The following ASTN2 variants were observed in gnomAD, a reference collection of about 807,000 sequenced individuals.
ASTN2 encodes the protein astrotactin 2.
ASTN2 carries 54 observed loss-of-function variants against 139.8 expected under a neutral mutation model. That is an observed-to-expected ratio of 0.39 (90% confidence interval 0.31 to 0.48). The LOEUF is 0.48. ASTN2 is among the 20% of genes least tolerant of loss of function. ASTN2 has a pLI of 0.95. For missense variants in ASTN2, 1,565 were observed against 1,725.1 expected (o/e 0.91, Z 1.64); for synonymous variants, 756 against 719.5 (o/e 1.05, Z -0.81).
intron 1 of ASTN2, among the ~76,000 whole-genome samples, chr9:117,351,571 C>A (rs1313288170): frequency 6.6e-6 from 1 of 152,144 alleles, no homozygotes; most frequent in Non-Finnish European, 1.5e-5. Context: ...AACTGTTTCT[C>A]CCTTCAAGTC....
chr9:116,933,130 TG>T lies in ASTN2; in HGVS notation c.1889+42077del, dbSNP rs370701771. ...AGGCTCTATTTTGGGTCTATGCTAT[TG>T]TAGACTAATTTAATCCTAAGAGTTA... is the stretch of plus-strand genomic sequence containing the variant. On this transcript the variant is annotated intron_variant, in intron 10 of 22. Transcript: ENST00000313400. 1.6e-4 allele frequency among the ~76,000 whole-genome samples: 24 copies of T among 152,236 alleles called. 1 individual carries two copies. Among genetic ancestry groups the T allele is most frequent in the African/African-American group, 5.5e-4 (23 of 41,554 alleles).
At chr9:116,532,615 A>G (rs1478248157) in intron 19 of ASTN2, among the ~76,000 whole-genome samples, 2 of 152,116 alleles carry the variant, frequency 1.3e-5, no homozygotes, top group Admixed American at 6.6e-5. Context: ...TTGTTAAATA[A>G]GGAATCCTTT....
At chr9:116,606,401 GT>G (rs1216524617) in intron 19 of ASTN2, among the ~76,000 whole-genome samples, 1 of 152,180 alleles carries the variant, frequency 6.6e-6, no homozygotes, top group African/African-American at 2.4e-5. Flanking sequence ...TAAAGTGTGT[GT>G]GTATGTGTGT....
At chr9:117,331,654 T>G (rs918293094) in intron 1 of ASTN2, among the ~76,000 whole-genome samples, 2 of 152,160 alleles carry the variant, frequency 1.3e-5, no homozygotes, top group Non-Finnish European at 2.9e-5. Context: ...TGGGTGCTCT[T>G]GGAATATTAG....
chr9:116,624,005 A>G (rs1188633829), intron 17 of ASTN2, among the ~76,000 whole-genome samples: 2 of 152,156 alleles, frequency 1.3e-5, no homozygotes, highest in Non-Finnish European at 2.9e-5. Flanking sequence ...GAATAAGTAG[A>G]GGGACCTAAG....
At chr9:117,102,741 T>C (rs865881739) in intron 4 of ASTN2, among the ~76,000 whole-genome samples, 2 of 152,082 alleles carry the variant, frequency 1.3e-5, no homozygotes, top group Non-Finnish European at 2.9e-5. Flanking sequence ...AGGCTGGTCT[T>C]GAACTCCTGA....
intron 1 of ASTN2, among the ~76,000 whole-genome samples, chr9:117,412,931 G>T (rs1831208851): frequency 6.6e-6 from 1 of 152,168 alleles, no homozygotes; most frequent in Non-Finnish European, 1.5e-5. Flanking sequence ...GGTGCACGTG[G>T]GAAGAGCTAC....
Position 116,925,200 on chromosome 9 carries a change from C to G in ASTN2, c.1889+50008G>C, listed in dbSNP as rs577343645. Among the ~76,000 whole-genome samples, 57 of 152,322 alleles carry G rather than the reference C, an allele frequency of 3.7e-4. 1 individual carries two copies. The South Asian group carries it at 0.011, about 29-fold the overall frequency. Reference sequence around the variant, plus strand: ...TTTTAGTACACTCTGCTCAGAGCTACAGCCCCTGCTTAGTCATCAGCACTA... The same window carrying G: ...TTTTAGTACACTCTGCTCAGAGCTAGAGCCCCTGCTTAGTCATCAGCACTA... On this transcript the variant is annotated intron_variant, in intron 10 of 22. Coordinates refer to ENST00000313400, the MANE Select transcript of ASTN2 (RefSeq NM_001365068.1).
At chr9:117,303,201 T>G (rs1480774458) in intron 1 of ASTN2, among the ~76,000 whole-genome samples, 3 of 152,112 alleles carry the variant, frequency 2.0e-5, no homozygotes, top group Non-Finnish European at 4.4e-5. Flanking sequence ...AGGAATTGCT[T>G]TTATCTCCTC....
At chr9:117,207,683 T>C (rs7872525) in intron 3 of ASTN2, among the ~76,000 whole-genome samples, 146,583 of 152,188 alleles carry the variant, frequency 0.96, 70,693 homozygotes, top group Non-Finnish European at 0.99. Context: ...TCCTGGCAGG[T>C]ACGCCCCCAG....
rs190037505 is a variant in ASTN2, at chr9:117,233,809, G to A, written c.631-19067C>T. On this transcript the variant is annotated intron_variant, in intron 2 of 22. Transcript: ENST00000313400. ...GTGTTTTCTATCCCATCTTCACTGT[G>A]GATTATCAATGCTCATTGAGTGTAA... is the stretch of plus-strand genomic sequence containing the variant. 1.9e-3 allele frequency among the ~76,000 whole-genome samples: 292 copies of A among 152,178 alleles called. 4 individuals are homozygous for A. The highest frequency in any genetic ancestry group is 8.3e-3 in the East Asian group (43 of 5,172).
intron 5 of ASTN2, among the ~76,000 whole-genome samples, chr9:117,091,591 G>A (rs1828707805): frequency 6.6e-6 from 1 of 152,058 alleles, no homozygotes; most frequent in Non-Finnish European, 1.5e-5. Context: ...AGGTGAATGA[G>A]TCAAACGGCA....
chr9:116,862,885 T>G (rs1832924504), intron 11 of ASTN2, among the ~76,000 whole-genome samples: 1 of 151,502 alleles, frequency 6.6e-6, no homozygotes, highest in Non-Finnish European at 1.5e-5. Context: ...ATCTCCTCTC[T>G]AGAATAAAAG....
chr9:117,239,775 G>T (rs1564498226), intron 2 of ASTN2, among the ~76,000 whole-genome samples: 1 of 152,308 alleles, frequency 6.6e-6, no homozygotes, highest in African/African-American at 2.4e-5. Context: ...TCCTAGATTG[G>T]TGTTCATTCC....
At chr9:116,923,410 G>C (rs943382264) in intron 10 of ASTN2, among the ~76,000 whole-genome samples, 1 of 152,206 alleles carries the variant, frequency 6.6e-6, no homozygotes, top group African/African-American at 2.4e-5. Context: ...GAGGGGCCAA[G>C]TCAGCTATTA....
At chr9:117,186,198 C>A (rs1233125672) in intron 3 of ASTN2, among the ~76,000 whole-genome samples, 1 of 152,166 alleles carries the variant, frequency 6.6e-6, no homozygotes, top group Non-Finnish European at 1.5e-5. Context: ...TTATTAAGTA[C>A]TGGTCACACA....
intron 13 of ASTN2, among the ~76,000 whole-genome samples, chr9:116,791,022 AGAAAG>A (rs1316618892): frequency 7.8e-6 from 1 of 128,308 alleles, no homozygotes. Flanking sequence ...AAAGAAAGAA[AGAAAG>A]AAAGAAAGAA....
intron 3 of ASTN2, among the ~76,000 whole-genome samples, chr9:117,189,304 C>T (rs543105494): frequency 1.3e-5 from 2 of 152,248 alleles, no homozygotes; most frequent in South Asian, 2.1e-4. Flanking sequence ...TTAGCAATCT[C>T]CTATGATGAG....
chr9:117,030,445 T>A (rs747624012), intron 6 of ASTN2, among the ~76,000 whole-genome samples: 2 of 152,188 alleles, frequency 1.3e-5, no homozygotes, highest in African/African-American at 2.4e-5. Context: ...GAAATTAGTC[T>A]CCAATTTTGG....
Sources: allele counts gnomAD v4.1 joint callset (sites outside exome capture counted in the v4.1 genomes callset), GRCh38; gene constraint gnomAD v4.1.1; transcripts MANE v1.5; gene names NCBI Gene and HGNC (gene_info 2026-07-23, HGNC 2026-07-21).